Variants in WNT11 observed in about 807,000 individuals in gnomAD.
The protein encoded by WNT11 is Wnt family member 11, also known as protein Wnt-11.
Under a neutral mutation model 35.6 loss-of-function variants are expected in WNT11, and 20 were observed. The observed-to-expected ratio is 0.56, with a 90% CI of 0.40 to 0.82. The LOEUF (loss-of-function observed/expected upper bound fraction) is 0.82, where lower values mean the gene tolerates loss of function less well. Ranked by LOEUF, WNT11 falls within the 40% of genes least tolerant of loss-of-function variation. The probability of loss-of-function intolerance (pLI) is 0.00; values close to 1 mark genes in which losing one functional copy is unlikely to be tolerated. For missense variants in WNT11, 459 were observed against 504.4 expected, an observed-to-expected ratio of 0.91 and a Z score of 0.86; for synonymous variants, 200 against 211.9, an observed-to-expected ratio of 0.94 and a Z score of 0.49.
At chr11:76,189,956 G>A (rs1357064244) in intron 4 of WNT11, among the ~76,000 whole-genome samples, 1 of 152,164 alleles carries the variant, frequency 6.6e-6, no homozygotes, top group African/African-American at 2.4e-5. Flanking sequence ...TGGGGGCTGT[G>A]AAGGAAGCCA....
intron 1 of WNT11, among the ~76,000 whole-genome samples, chr11:76,205,079 G>C (rs189041169): frequency 5.4e-4 from 83 of 152,324 alleles, no homozygotes; most frequent in African/African-American, 2.0e-3. Context: ...GGAAAAGCTA[G>C]TGCCCAGGGC....
At chr11:76,204,989 C>A (rs1311116527) in intron 1 of WNT11, among the ~76,000 whole-genome samples, 2 of 152,182 alleles carry the variant, frequency 1.3e-5, no homozygotes, top group Non-Finnish European at 2.9e-5. Context: ...TCGGAGGTCC[C>A]TGCCAGCTGG....
chr11:76,200,218 A>C (rs916963320), intron 1 of WNT11, among the ~76,000 whole-genome samples: 1 of 152,092 alleles, frequency 6.6e-6, no homozygotes, highest in South Asian at 2.1e-4. Context: ...CCCCTAAACT[A>C]TGAGTCGGGA....
At chr11:76,191,893 G>A (rs1464981485) in intron 3 of WNT11, 37 bp from the exon 4 acceptor site, 1 of 1,573,792 alleles carries the variant, frequency 6.4e-7, no homozygotes, top group South Asian at 1.2e-5. Context: ...GGTGGCCAGA[G>A]TCCCCTCCCT....
rs138104027 is a variant in WNT11, at chr11:76,206,375, C to G, written c.33G>C (p.Leu11=). Residue 11 remains leucine (L), a synonymous_variant, in exon 1 of 5, where the codon CTG becomes CTC. Coordinates refer to ENST00000322563, the MANE Select transcript of WNT11 (RefSeq NM_004626.3). MRARPQVCEA[L]LFALALQTGV... ...CGGTCTGGAGCGCCAGGGCGAAGAG[C>G]AGCGCCTCGCAGACCTGCGGCCGCG... 4.0e-4 allele frequency: 621 copies of G among 1,558,902 alleles called. 3 individuals carry two copies. The African/African-American group carries it at 5.6e-3, about 14-fold the overall frequency.
chr11:76,200,529 G>A (rs1305262343), intron 1 of WNT11, among the ~76,000 whole-genome samples: 1 of 152,198 alleles, frequency 6.6e-6, no homozygotes, highest in Non-Finnish European at 1.5e-5. Flanking sequence ...GGCCCTTCCC[G>A]GTTGACAGAG....
upstream of WNT11, among the ~76,000 whole-genome samples, chr11:76,210,133 C>A (rs1265565775): frequency 3.3e-5 from 5 of 151,464 alleles, no homozygotes; most frequent in Non-Finnish European, 5.9e-5. Flanking sequence ...ATCCGCCGAA[C>A]GACTGGGAAG....
chr11:76,197,977 G>A (rs1953315219), intron 1 of WNT11, among the ~76,000 whole-genome samples: 1 of 152,202 alleles, frequency 6.6e-6, no homozygotes, highest in Non-Finnish European at 1.5e-5. Flanking sequence ...GGAGCGACAG[G>A]GAACCAAGAG....
chr11:76,187,652 A>AT (rs1230546457), intron 4 of WNT11, among the ~76,000 whole-genome samples: 1 of 151,510 alleles, frequency 6.6e-6, no homozygotes, highest in Non-Finnish European at 1.5e-5. Flanking sequence ...TGTCCGGCTA[A>AT]TTTTTTATTT....
chr11:76,193,532 GTCCCTGGC>G, intron 3 of WNT11, among the ~76,000 whole-genome samples: 3 of 152,382 alleles, frequency 2.0e-5, no homozygotes, highest in Admixed American at 2.0e-4. Flanking sequence ...GGAGTCCTGA[GTCCCTGGC>G]CAGGCTCTGC....
chr11:76,193,984 C>G (rs778532023), intron 3 of WNT11, among the ~76,000 whole-genome samples: 1 of 152,144 alleles, frequency 6.6e-6, no homozygotes, highest in Non-Finnish European at 1.5e-5. Flanking sequence ...GGTCCACTCA[C>G]CCCAGTCTTT....
At position 76,186,920 on chromosome 11, in the gene WNT11, T is replaced by C. The variant is rs747654302; in HGVS notation, c.*145A>G. On this transcript the variant is annotated 3_prime_UTR_variant, in exon 5 of 5. Coordinates refer to ENST00000322563, the MANE Select transcript of WNT11 (RefSeq NM_004626.3). ...CCTTCTGTTCCTGGTGGCTTCCAAG[T>C]GAAGGCAAAGCACAAGCCGCCTCCC... is the stretch of plus-strand genomic sequence containing the variant. 4.6e-6 allele frequency: 6 copies of C among 1,295,700 alleles called. No homozygotes were observed. Among genetic ancestry groups the C allele is most frequent in the Admixed American group, 2.0e-5 (1 of 50,936 alleles). 80.3% of individuals were successfully genotyped at this position (1,295,700 alleles called of 1,614,324 possible).
chr11:76,202,782 G>T (rs188031481), intron 1 of WNT11, among the ~76,000 whole-genome samples: 3 of 152,304 alleles, frequency 2.0e-5, no homozygotes, highest in Admixed American at 2.0e-4. Context: ...TCCCTCCTGG[G>T]CTTTGTCCCA....
chr11:76,192,056 A>G (rs1953194480), intron 3 of WNT11, among the ~76,000 whole-genome samples, 200 bp from the exon 4 acceptor site: 1 of 152,184 alleles, frequency 6.6e-6, no homozygotes. Flanking sequence ...GCTGAGGGGC[A>G]GGAAGAAAGG....
chr11:76,198,744 C>G (rs1220250727), intron 1 of WNT11, among the ~76,000 whole-genome samples: 1 of 152,190 alleles, frequency 6.6e-6, no homozygotes, highest in Non-Finnish European at 1.5e-5. Flanking sequence ...CACTCCTGGC[C>G]TAGCCCCAGG....
At chr11:76,192,535 A>T (rs546741291) in intron 3 of WNT11, among the ~76,000 whole-genome samples, 1 of 152,398 alleles carries the variant, frequency 6.6e-6, no homozygotes, top group East Asian at 1.9e-4. Flanking sequence ...AGGCGAGCAC[A>T]TAATTCCTGC....
Position 76,194,314 on chromosome 11 carries a change from T to TAGTTCAGTGCTCCC in WNT11, c.597+252_597+253insGGGAGCACTGAACT. ...AGCCAAGGCCAGAACTCAGAGCTCC[T>TAGTTCAGTGCTCCC]GACTCCTAGTTCAGTGCTCCCTCTG... On this transcript the variant is annotated intron_variant, in intron 3 of 4. Coordinates refer to ENST00000322563, the MANE Select transcript of WNT11 (RefSeq NM_004626.3). This position sits in a 1 kb window ranked among gnomAD's most constrained non-coding sequence, Gnocchi z 5.4. Among the ~76,000 whole-genome samples, 2 of 152,128 alleles carry TAGTTCAGTGCTCCC rather than the reference T, an allele frequency of 1.3e-5. No individual in the cohort carries two copies. The highest frequency in any genetic ancestry group is 3.4e-3 in the Middle Eastern group (1 of 294).
chr11:76,193,706 C>T (rs61894404), intron 3 of WNT11, among the ~76,000 whole-genome samples: 1 of 152,172 alleles, frequency 6.6e-6, no homozygotes, highest in Non-Finnish European at 1.5e-5. Context: ...TCTATTGTGC[C>T]GTGGGGCTGA....
chr11:76,196,221 A>G (rs1236439185), intron 2 of WNT11, among the ~76,000 whole-genome samples: 1 of 152,214 alleles, frequency 6.6e-6, no homozygotes, highest in East Asian at 1.9e-4. Context: ...ACACAGGTAC[A>G]TGTGCTGTCC....
Sources: gnomAD v4.1 joint callset for allele counts (sites outside exome capture counted in the v4.1 genomes callset) on GRCh38, gnomAD v4.1.1 for gene constraint, Gnocchi (gnomAD v3.1) non-coding constraint, MANE v1.5 for transcripts, NCBI Gene and HGNC (gene_info 2026-07-23, HGNC 2026-07-21) for gene names.